Variants in IL1RAPL1 observed in about 807,000 individuals in gnomAD.
IL1RAPL1 encodes interleukin 1 receptor accessory protein like 1.
In IL1RAPL1, 3 loss-of-function variants were observed where a neutral mutation model predicts 48.4. That is an observed-to-expected ratio of 0.06 (90% CI 0.03 to 0.16). The LOEUF is 0.16. Among genes scored for constraint, IL1RAPL1 ranks in the 10% least tolerant of loss-of-function variants. The probability of loss-of-function intolerance (pLI) is 1.00; values close to 1 mark genes in which losing one functional copy is unlikely to be tolerated. For missense variants in IL1RAPL1, 349 were observed against 530.6 expected, an observed-to-expected ratio of 0.66 and a Z score of 3.36; for synonymous variants, 185 against 187.7, an observed-to-expected ratio of 0.99 and a Z score of 0.12.
At chrX:29,404,202 C>T (rs1031959246) in intron 5 of IL1RAPL1, among the ~76,000 whole-genome samples, 1 of 112,015 alleles carries the variant, frequency 8.9e-6, no homozygotes, top group African/African-American at 3.2e-5. Flanking sequence ...AAAGACTCTA[C>T]ACTTCATATG....
intron 1 of IL1RAPL1, among the ~76,000 whole-genome samples, chrX:28,756,516 C>G (rs1936106418): frequency 9.0e-6 from 1 of 111,680 alleles, no homozygotes; most frequent in African/African-American, 3.3e-5. Flanking sequence ...GGTCAGCACG[C>G]TCACCATTTT....
chrX:28,789,622 G>C (rs912433333), intron 2 of IL1RAPL1, among the ~76,000 whole-genome samples, 197 bp downstream of exon 2: 1 of 111,916 alleles, frequency 8.9e-6, no homozygotes. Flanking sequence ...AAAGAATGTG[G>C]CTTATTTTAT....
At chrX:29,410,460 C>CA (rs751676116) in intron 5 of IL1RAPL1, among the ~76,000 whole-genome samples, 3,979 of 89,589 alleles carry the variant, frequency 0.044, 226 homozygotes, top group African/African-American at 0.15. Flanking sequence ...GACTCTGTGT[C>CA]AAAAAAAAAA....
intron 5 of IL1RAPL1, among the ~76,000 whole-genome samples, chrX:29,601,812 CAG>C (rs764448974): frequency 5.4e-5 from 6 of 111,985 alleles, no homozygotes; most frequent in Admixed American, 9.4e-5. Flanking sequence ...TTGAGGTTCA[CAG>C]AAAGTGAATC....
At chrX:29,408,842 C>G (rs1934106824) in intron 5 of IL1RAPL1, among the ~76,000 whole-genome samples, 1 of 111,532 alleles carries the variant, frequency 9.0e-6, no homozygotes, top group African/African-American at 3.3e-5. Flanking sequence ...AATTTAATTC[C>G]CTGAACCTCA....
chrX:29,783,106 G>A (rs1227601076), intron 6 of IL1RAPL1, among the ~76,000 whole-genome samples: 2 of 107,372 alleles, frequency 1.9e-5, no homozygotes, highest in African/African-American at 6.8e-5. Context: ...GGGTTTCACC[G>A]TTTTAGCCGG....
chrX:29,730,561 G>A (rs943849833), intron 6 of IL1RAPL1, among the ~76,000 whole-genome samples: 2 of 112,285 alleles, frequency 1.8e-5, no homozygotes, highest in Non-Finnish European at 3.8e-5. Context: ...AAGACATGAT[G>A]TGTCACTTTT....
intron 2 of IL1RAPL1, among the ~76,000 whole-genome samples, chrX:28,995,912 A>T (rs987933812): frequency 3.6e-5 from 4 of 110,434 alleles, no homozygotes; most frequent in East Asian, 5.7e-4. Context: ...GAAAAGGCTC[A>T]TTCTTAAAAA....
chrX:29,095,339 G>A (rs1033892969), intron 2 of IL1RAPL1, among the ~76,000 whole-genome samples: 2 of 111,098 alleles, frequency 1.8e-5, no homozygotes, highest in African/African-American at 6.5e-5. Flanking sequence ...AACTTCAGGG[G>A]CTCTGTCTTA....
intron 9 of IL1RAPL1, among the ~76,000 whole-genome samples, chrX:29,946,870 G>A (rs977622757): frequency 2.7e-5 from 3 of 111,969 alleles, no homozygotes; most frequent in African/African-American, 9.7e-5. Flanking sequence ...GTGGGAATGT[G>A]TTTCTAAATT....
intron 3 of IL1RAPL1, among the ~76,000 whole-genome samples, chrX:29,292,552 A>G (rs1485421399): frequency 1.8e-5 from 2 of 112,083 alleles, no homozygotes; most frequent in African/African-American, 3.2e-5. Flanking sequence ...TCTTGAATCA[A>G]AGGATATATA....
chrX:28,915,005 C>T (rs1923451556), intron 2 of IL1RAPL1, among the ~76,000 whole-genome samples: 1 of 111,762 alleles, frequency 8.9e-6, no homozygotes, highest in South Asian at 3.7e-4. Context: ...TTGTGGAAGA[C>T]AATTTTTCCA....
At chrX:28,665,120 T>C (rs1019204361) in intron 1 of IL1RAPL1, among the ~76,000 whole-genome samples, 3 of 111,780 alleles carry the variant, frequency 2.7e-5, no homozygotes, top group Non-Finnish European at 5.6e-5. Flanking sequence ...ATTTTCTCAC[T>C]GCACAAGTGT....
At chrX:29,351,497 T>G (rs2147653039) in intron 3 of IL1RAPL1, among the ~76,000 whole-genome samples, 1 of 112,340 alleles carries the variant, frequency 8.9e-6, no homozygotes, top group African/African-American at 3.2e-5. Context: ...GCTGTTATTT[T>G]TCTATGAAAG....
chrX:29,719,847 A>G (rs1927587877), intron 6 of IL1RAPL1, among the ~76,000 whole-genome samples: 1 of 110,226 alleles, frequency 9.1e-6, no homozygotes, highest in Admixed American at 9.8e-5. Flanking sequence ...ACAGTGGAAC[A>G]ACTCAGGAAA....
intron 5 of IL1RAPL1, among the ~76,000 whole-genome samples, chrX:29,430,684 A>ATG (rs1334972992): frequency 1.8e-5 from 2 of 110,019 alleles, no homozygotes; most frequent in Non-Finnish European, 3.8e-5. Flanking sequence ...AGATATATAA[A>ATG]TGTGTGTGTG....
At chrX:29,536,510 ATGTT>A (rs1434100268) in intron 5 of IL1RAPL1, among the ~76,000 whole-genome samples, 1 of 111,752 alleles carries the variant, frequency 8.9e-6, no homozygotes, top group Non-Finnish European at 1.9e-5. Context: ...AGAAAGAAAA[ATGTT>A]TGTGGTGAGA....
At chrX:29,889,074 T>G (rs774583034) in intron 6 of IL1RAPL1, among the ~76,000 whole-genome samples, 74 of 112,307 alleles carry the variant, frequency 6.6e-4, no homozygotes, top group African/African-American at 2.3e-3. Flanking sequence ...CTTATAATTT[T>G]TTCTATATGC....
intron 2 of IL1RAPL1, among the ~76,000 whole-genome samples, chrX:29,234,286 C>T (rs1349789531): frequency 8.9e-6 from 1 of 111,848 alleles, no homozygotes; most frequent in Non-Finnish European, 1.9e-5. Context: ...ATTTGTTATG[C>T]AGCAATAAAT....
Sources: gnomAD v4.1 joint callset for allele counts (sites outside exome capture counted in the v4.1 genomes callset) on GRCh38, gnomAD v4.1.1 for gene constraint, MANE v1.5 for transcripts, NCBI Gene and HGNC (gene_info 2026-07-23, HGNC 2026-07-21) for gene names.